Variants in ING3 observed in about 807,000 individuals in gnomAD.
ING3 encodes the protein inhibitor of growth protein 3.
In ING3, 6 loss-of-function variants were observed where a neutral mutation model predicts 64.8. The ratio of observed to expected loss-of-function variants is 0.09; its 90% CI spans 0.05 to 0.18. The LOEUF is 0.18. ING3 is among the 10% of genes least tolerant of loss of function. The pLI, the probability that ING3 is intolerant of heterozygous loss-of-function variation, is 1.00. For missense variants in ING3, 310 were observed against 489.7 expected (o/e 0.63, Z 3.46); for synonymous variants, 170 against 173.7 (o/e 0.98, Z 0.17).
At chr7:120,951,291 C>T in intron 2 of ING3, 56 bp downstream of exon 2, 2 of 1,481,572 alleles carry the variant, frequency 1.3e-6, no homozygotes, top group Non-Finnish European at 1.9e-6. Flanking sequence ...GCCAGACTTG[C>T]TTGTCATCAC....
rs1413236354 is a variant in ING3, at chr7:120,968,207, T to C, written c.714+116T>C. 3.3e-6 allele frequency: 3 copies of C among 901,060 alleles called. No homozygotes were observed. In the African/African-American group the frequency reaches 5.1e-5, roughly 15 times the overall value. The allele number at this position is 901,060 out of a possible 1,614,324, so 55.8% of individuals were successfully genotyped here. A position where few individuals can be genotyped will look rare whatever the true frequency, so the allele number is the denominator to read the frequency against. Reference sequence around the variant, plus strand: ...TTCTAACGTTGTATATTTTCATTTTTAAGTCATGATTTCACGATATGTGAT... The same window carrying C: ...TTCTAACGTTGTATATTTTCATTTTCAAGTCATGATTTCACGATATGTGAT... On this transcript the variant is annotated intron_variant, in intron 8 of 11. Transcript: ENST00000315870.
At chr7:120,974,616 CATCTAATT>C in intron 11 of ING3, 104 bp from the exon 12 acceptor site, 1 of 558,156 alleles carries the variant, frequency 1.8e-6, no homozygotes, top group Non-Finnish European at 3.3e-6. Flanking sequence ...TGATGTCACA[CATCTAATT>C]ATTGTTAAAT....
intron 4 of ING3, 97 bp from the exon 5 acceptor site, chr7:120,964,645 T>G: frequency 1.2e-6 from 1 of 830,466 alleles, no homozygotes; most frequent in Non-Finnish European, 2.0e-6. Context: ...ACTAAGCAGA[T>G]TCACTAAAAG....
At position 120,958,455 on chromosome 7, in the gene ING3, C is replaced by T. The variant is rs374467902; in HGVS notation, c.267+2831C>T. ...TCTTATACTACCTAGTCATCTACTTCTTTGGCTTTTGTAAATGCTAATCCA... is the reference window on the plus strand; with the variant it reads ...TCTTATACTACCTAGTCATCTACTTTTTTGGCTTTTGTAAATGCTAATCCA... On this transcript the variant is annotated intron_variant, in intron 4 of 11. Transcript: ENST00000315870. 1.3e-4 allele frequency among the ~76,000 whole-genome samples: 20 copies of T among 152,292 alleles called. No individual in the cohort carries two copies. The East Asian group carries it at 3.7e-3, about 28-fold the overall frequency.
Position 120,975,340 on chromosome 7 carries a change from A to G in ING3, c.*496A>G, listed in dbSNP as rs1469334196. ...AGATAATGGTTTTTAAAATGCCTTT[A>G]TAATAAGCTTTGTTTCTTTGTGAAA... On this transcript the variant is annotated 3_prime_UTR_variant, in exon 12 of 12. Transcript: ENST00000315870. The G allele has an allele frequency of 1.3e-5, 2 of 151,912 alleles. No individual in the cohort carries two copies. The highest frequency in any genetic ancestry group is 2.9e-5 in the Non-Finnish European group (2 of 67,990). The allele number at this position is 151,912 out of a possible 1,614,324, so 9.4% of individuals were successfully genotyped here.
At chr7:120,967,731 C>CCTGGTTTCTTT in intron 7 of ING3, 83 bp downstream of exon 7, 3 of 1,400,190 alleles carry the variant, frequency 2.1e-6, no homozygotes, top group South Asian at 2.8e-5. Flanking sequence ...ATTAATGAAT[C>CCTGGTTTCTTT]ATACAGTTTC....
At chr7:120,962,211 T>A (rs1795941579) in intron 4 of ING3, among the ~76,000 whole-genome samples, 1 of 152,166 alleles carries the variant, frequency 6.6e-6, no homozygotes, top group Non-Finnish European at 1.5e-5. Flanking sequence ...CTAATTTGAT[T>A]TAGTACAGCA....
intron 9 of ING3, among the ~76,000 whole-genome samples, chr7:120,969,950 CA>C (rs1170472059): frequency 1.3e-5 from 2 of 152,108 alleles, no homozygotes; most frequent in Non-Finnish European, 2.9e-5. Context: ...CTTAATGGTA[CA>C]AGTTTAATGT....
At position 120,951,242 on chromosome 7, in the gene ING3, C is replaced by T. The variant is rs764000713; in HGVS notation, c.100+7C>T. The stretch of plus-strand genomic sequence containing the variant: ...ATGGACCTGCAGGTGCAGAGTAAGT[C>T]GGCGCGTCTACTACTCCTGTTCGCT... On this transcript the variant is annotated splice_region_variant and intron_variant, in intron 2 of 11. Coordinates refer to ENST00000315870, the MANE Select transcript of ING3 (RefSeq NM_019071.3). The T allele has an allele frequency of 5.6e-6, 9 of 1,613,766 alleles. No individual in the cohort carries two copies. Among genetic ancestry groups the T allele is most frequent in the Non-Finnish European group, 7.6e-6 (9 of 1,179,846 alleles).
At chr7:120,963,436 A>G (rs151224247) in intron 4 of ING3, among the ~76,000 whole-genome samples, 312 of 145,094 alleles carry the variant, frequency 2.2e-3, no homozygotes, top group African/African-American at 7.6e-3. Context: ...ATTCTGAAGA[A>G]TGTTTTTCAA....
chr7:120,958,910 G>C (rs1795889844), intron 4 of ING3, among the ~76,000 whole-genome samples: 1 of 152,058 alleles, frequency 6.6e-6, no homozygotes, highest in Admixed American at 6.5e-5. Flanking sequence ...TAAATTTATG[G>C]CAATTGGGGT....
chr7:120,976,934 G>A lies in ING3; in HGVS notation c.*2090G>A, dbSNP rs1377055730. The stretch of plus-strand genomic sequence containing the variant: ...TAATATCTGAGTCATATATAATGGG[G>A]CCAAACATGGAACTACCTCATCAAC... On this transcript the variant is annotated 3_prime_UTR_variant, in exon 12 of 12. Transcript: ENST00000315870. The A allele has an allele frequency of 6.6e-6, 1 of 152,138 alleles. No homozygotes were observed. Among genetic ancestry groups the A allele is most frequent in the Admixed American group, 6.5e-5 (1 of 15,276 alleles). 9.4% of individuals were successfully genotyped at this position (152,138 alleles called of 1,614,324 possible).
At position 120,974,897 on chromosome 7, in the gene ING3, AG is replaced by A; in HGVS notation, c.*55del. 1.6e-6 allele frequency: 2 copies of A among 1,243,690 alleles called. No homozygotes were observed. Among genetic ancestry groups the A allele is most frequent in the South Asian group, 1.3e-5 (1 of 74,084 alleles). The allele number at this position is 1,243,690 out of a possible 1,614,324, so 77.0% of individuals were successfully genotyped here. On this transcript the variant is annotated 3_prime_UTR_variant, in exon 12 of 12. Coordinates refer to ENST00000315870, the MANE Select transcript of ING3 (RefSeq NM_019071.3). ...TAAACTTCAGCTGAAGATTTTATAT[AG>A]GACTTTAAAAAGAAGAGAAGAGAAA...
At chr7:120,960,198 A>T (rs1403198337) in intron 4 of ING3, among the ~76,000 whole-genome samples, 1 of 152,170 alleles carries the variant, frequency 6.6e-6, no homozygotes, top group Non-Finnish European at 1.5e-5. Flanking sequence ...AGTGGAAAAG[A>T]CTTGGCAAGT....
intron 4 of ING3, among the ~76,000 whole-genome samples, chr7:120,960,973 CA>C (rs1206695624): frequency 6.6e-6 from 1 of 152,160 alleles, no homozygotes; most frequent in Non-Finnish European, 1.5e-5. Flanking sequence ...CAGTCTCTTG[CA>C]GTGCTCAATA....
chr7:120,955,543 A>G lies in ING3; in HGVS notation c.202-16A>G, dbSNP rs751908707. ...AATGATTAATTTATTTTTGAAATGA[A>G]AATGTTTTCATTCAGGACTACTATA... On this transcript the variant is annotated splice_polypyrimidine_tract_variant and intron_variant, in intron 3 of 11. Coordinates refer to ENST00000315870, the MANE Select transcript of ING3 (RefSeq NM_019071.3). 5 of 1,564,250 alleles carry G rather than the reference A, an allele frequency of 3.2e-6. No individual in the cohort carries two copies. Among genetic ancestry groups the G allele is most frequent in the Non-Finnish European group, 3.5e-6 (4 of 1,141,670 alleles).
At position 120,974,802 on chromosome 7, in the gene ING3, G is replaced by A. The variant is rs149988029; in HGVS notation, c.1215G>A (p.Gln405=). ...EAPKGKWYCP[Q]CTAAMKRRGS... is the part of the protein sequence containing the mutation. ...CAAAAGGCAAATGGTACTGTCCACAGTGCACTGCTGCAATGAAGAGAAGAG... is the reference window on the plus strand; with the variant it reads ...CAAAAGGCAAATGGTACTGTCCACAATGCACTGCTGCAATGAAGAGAAGAG... The change falls in exon 12 of 12, where the codon CAG becomes CAA. Residue 405 remains glutamine (Q), a synonymous_variant. Coordinates refer to ENST00000315870, the MANE Select transcript of ING3 (RefSeq NM_019071.3). 2.5e-6 allele frequency: 4 copies of A among 1,612,692 alleles called. No individual in the cohort carries two copies. Among genetic ancestry groups the A allele is most frequent in the Non-Finnish European group, 3.4e-6 (4 of 1,179,004 alleles).
rs1686381112 is a variant in ING3 at position 120,956,518 on chromosome 7, A to G, written c.267+894A>G. The stretch of plus-strand genomic sequence containing the variant: ...TATACCACAAACTTGAAAATGTGTC[A>G]TGTAGAGCCATGGAAAATGTCTAGT... On this transcript the variant is annotated intron_variant, in intron 4 of 11. Coordinates refer to ENST00000315870, the MANE Select transcript of ING3 (RefSeq NM_019071.3). 10 of 1,045,062 alleles carry G rather than the reference A, an allele frequency of 9.6e-6. No individual in the cohort carries two copies. The South Asian group carries it at 2.0e-4, about 21-fold the overall frequency. The allele number at this position is 1,045,062 out of a possible 1,614,324, so 64.7% of individuals were successfully genotyped here.
rs772673743 is a variant in ING3 at position 120,951,203 on chromosome 7, C to T, written c.68C>T (p.Thr23Met). Reference sequence around the variant, plus strand: ...CCTATGGATCTGCGGGACCGCTTCACGGAAATGCGCGAGATGGACCTGCAG... The same window carrying T: ...CCTATGGATCTGCGGGACCGCTTCATGGAAATGCGCGAGATGGACCTGCAG... ...QLPMDLRDRF[T>M]EMREMDLQVQ... The change falls in exon 2 of 12, where the codon ACG becomes ATG. Residue 23 changes from threonine to methionine, a missense_variant. Around this residue, in one of 3 missense-constraint regions of ING3, gnomAD observed 53 missense variants for 116.2 expected, o/e 0.46. Coordinates refer to ENST00000315870, the MANE Select transcript of ING3 (RefSeq NM_019071.3). 2 of 1,614,142 alleles carry T rather than the reference C, an allele frequency of 1.2e-6. No individual in the cohort carries two copies. The highest frequency in any genetic ancestry group is 1.7e-6 in the Non-Finnish European group (2 of 1,180,022).
Sources: gnomAD v4.1 joint callset for allele counts (sites outside exome capture counted in the v4.1 genomes callset) on GRCh38, gnomAD v4.1.1 for gene constraint, gnomAD v4.1.1 regional missense constraint, MANE v1.5 for transcripts, NCBI Gene and HGNC (gene_info 2026-07-23, HGNC 2026-07-21) for gene names.